The following SPEG variants were observed in gnomAD, a reference collection of about 807,000 sequenced individuals.
SPEG encodes striated muscle enriched protein kinase.
SPEG carries 114 observed loss-of-function variants against 300.4 expected under a neutral mutation model. The ratio of observed to expected loss-of-function variants is 0.38; its 90% CI spans 0.33 to 0.44. SPEG has a LOEUF of 0.44. Ranked by LOEUF, SPEG falls within the 20% of genes least tolerant of loss-of-function variation. The pLI is 1.00. For synonymous variants in SPEG, 1,964 were observed against 2,018.9 expected, an observed-to-expected ratio of 0.97 and a Z score of 0.73; for missense variants, 4,201 against 4,586.2, an observed-to-expected ratio of 0.92 and a Z score of 2.43.
At position 219,489,538 on chromosome 2, in the gene SPEG, A is replaced by T; in HGVS notation, c.8520A>T (p.Pro2840=). 6.2e-7 allele frequency: 1 copy of T among 1,600,568 alleles called. No homozygotes were observed. Among genetic ancestry groups the T allele is most frequent in the Non-Finnish European group, 8.5e-7 (1 of 1,177,374 alleles). ...TGTCCTCGCTCAAGGCTGTGGGTCC[A>T]CCACCCCAAACCCCTCCACGAAGAC... The part of the protein sequence containing the change: ...QALSSLKAVG[P]PPQTPPRRHR... The change falls in exon 36 of 41, where the codon CCA becomes CCT. Residue 2840 remains proline, a synonymous_variant. Coordinates refer to ENST00000312358, the MANE Select transcript of SPEG (RefSeq NM_005876.5).
rs1394026422 is a variant in SPEG, at chr2:219,459,753, C to G, written c.2441-2129C>G. On this transcript the variant is annotated intron_variant, in intron 6 of 40. Coordinates refer to ENST00000312358, the MANE Select transcript of SPEG (RefSeq NM_005876.5). This position sits in a 1 kb window ranked among gnomAD's most constrained non-coding sequence, Gnocchi z 4.9. ...AGGACCGCCCACCTGCGGAGCCATG[C>G]CTGTGATCTCAGCATCAAATGCCTT... 6.6e-6 allele frequency among the ~76,000 whole-genome samples: 1 copy of G among 152,210 alleles called. No homozygotes were observed. Among genetic ancestry groups the G allele is most frequent in the African/African-American group, 2.4e-5 (1 of 41,458 alleles).
At chr2:219,447,897 C>A in intron 3 of SPEG, 77 bp from the exon 4 acceptor site, 1 of 1,389,924 alleles carries the variant, frequency 7.2e-7, no homozygotes. Flanking sequence ...GCCCACCACC[C>A]AATTCCTGTC....
At position 219,491,063 on chromosome 2, in the gene SPEG, A is replaced by G. The variant is rs947721551; in HGVS notation, c.9385+107A>G. On this transcript the variant is annotated intron_variant, in intron 38 of 40. Coordinates refer to ENST00000312358, the MANE Select transcript of SPEG (RefSeq NM_005876.5). ...CATATGTGCCACTTATTGAGTGATT[A>G]CTGTATTCAAGCAATGAACGAAGTA... 9 of 805,928 alleles carry G rather than the reference A, an allele frequency of 1.1e-5. No homozygotes were observed. The African/African-American group carries it at 1.6e-4, about 14-fold the overall frequency. 49.9% of individuals were successfully genotyped at this position (805,928 alleles called of 1,614,324 possible). A position where few individuals can be genotyped will look rare whatever the true frequency, so the allele number is the denominator to read the frequency against.
chr2:219,483,872 G>A lies in SPEG; in HGVS notation c.6409G>A (p.Glu2137Lys). The change falls in exon 30 of 41, where the codon GAG becomes AAG. Residue 2137 changes from glutamate (E) to lysine (K), a missense_variant. Around this residue, in one of 4 missense-constraint regions of SPEG, gnomAD observed 1,578 missense variants for 1,506.0 expected, o/e 1.05. Coordinates refer to ENST00000312358, the MANE Select transcript of SPEG (RefSeq NM_005876.5). ...CAGCAGCTTCTCCCAGGGTGAGGCG[G>A]AGCCCCGGGGCCGGCACCGCCGAGC... ...KSSSFSQGEA[E>K]PRGRHRRAGA... The A allele has an allele frequency of 6.3e-7, 1 of 1,596,256 alleles. No homozygotes were observed. The highest frequency in any genetic ancestry group is 8.5e-7 in the Non-Finnish European group (1 of 1,176,716).
In SPEG at chr2:219,473,846, T is replaced by C. The variant is rs1260114479; in HGVS notation, c.4390T>C (p.Cys1464Arg). 6.2e-7 allele frequency: 1 copy of C among 1,613,586 alleles called. No homozygotes were observed. Among genetic ancestry groups the C allele is most frequent in the Non-Finnish European group, 8.5e-7 (1 of 1,180,026 alleles). The change falls in exon 18 of 41, where the codon TGC becomes CGC. Residue 1464 changes from cysteine to arginine, a missense_variant. Around this residue, in one of 4 missense-constraint regions of SPEG, gnomAD observed 1,047 missense variants for 1,356.8 expected, o/e 0.77. Coordinates refer to ENST00000312358, the MANE Select transcript of SPEG (RefSeq NM_005876.5). This position sits in a 1 kb window ranked among gnomAD's most constrained non-coding sequence, Gnocchi z 4.6. ...VSRRDMGALT[C>R]TARNRHGTQT... ...CCGCCGGGACATGGGGGCCCTCACC[T>C]GCACCGCCCGAAACCGTCACGGCAC...
At chr2:219,441,279 A>G (rs1688900173) in intron 1 of SPEG, among the ~76,000 whole-genome samples, 1 of 152,008 alleles carries the variant, frequency 6.6e-6, no homozygotes, top group Non-Finnish European at 1.5e-5. Flanking sequence ...TAATGGGGGT[A>G]CCTCTGTGCA....
rs758806382 is a variant in SPEG at position 219,491,849 on chromosome 2, G to A, written c.9441G>A (p.Ala3147=). The A allele has an allele frequency of 3.3e-5, 53 of 1,611,192 alleles. No homozygotes were observed. The highest frequency in any genetic ancestry group is 7.7e-5 in the South Asian group (7 of 90,832). Residue 3147 remains alanine (A), a synonymous_variant, in exon 39 of 41, where the codon GCG becomes GCA. Coordinates refer to ENST00000312358, the MANE Select transcript of SPEG (RefSeq NM_005876.5). ...PIGSATDIWG[A]GVLTYIMLSG... is the part of the protein sequence containing the mutation. ...GCTCTGCCACGGACATCTGGGGAGC[G>A]GGTGTGCTCACTTACATTATGTGAG...
At chr2:219,490,011 A>G (rs2125594660) in intron 36 of SPEG, 72 bp downstream of exon 36, 1 of 1,497,130 alleles carries the variant, frequency 6.7e-7, no homozygotes, top group South Asian at 1.4e-5. Flanking sequence ...GGCTTCGGAG[A>G]GAAGACCAGA....
chr2:219,486,319 G>A lies in SPEG; in HGVS notation c.7741+842G>A, dbSNP rs115925420. Reference sequence around the variant, plus strand: ...CCAGGCCAGCATGCAGGAAGGGAGCGAGTCCATGAAGCCAGGCTGTGTGCA... The same window carrying A: ...CCAGGCCAGCATGCAGGAAGGGAGCAAGTCCATGAAGCCAGGCTGTGTGCA... On this transcript the variant is annotated intron_variant, in intron 31 of 40. Coordinates refer to ENST00000312358, the MANE Select transcript of SPEG (RefSeq NM_005876.5). Among the ~76,000 whole-genome samples, 297 of 152,362 alleles carry A rather than the reference G, an allele frequency of 1.9e-3. 1 individual carries two copies. Among genetic ancestry groups the A allele is most frequent in the Non-Finnish European group, 3.8e-3 (256 of 68,044 alleles).
Position 219,493,016 on chromosome 2 carries a change from C to G in SPEG, c.*230C>G. The G allele has an allele frequency of 1.4e-6, 1 of 700,598 alleles. No individual in the cohort carries two copies. Among genetic ancestry groups the G allele is most frequent in the Non-Finnish European group, 2.6e-6 (1 of 384,650 alleles). 43.4% of individuals were successfully genotyped at this position (700,598 alleles called of 1,614,324 possible). A position where few individuals can be genotyped will look rare whatever the true frequency, so the allele number is the denominator to read the frequency against. ...TGGGAGACCCATTGGTCAGGCTCAG[C>G]AGGGTGGGAACAGGCAGAGGGACAA... On this transcript the variant is annotated 3_prime_UTR_variant, in exon 41 of 41. Transcript: ENST00000312358.
At position 219,477,167 on chromosome 2, in the gene SPEG, T is replaced by G; in HGVS notation, c.4561-110T>G. 1 of 1,108,792 alleles carries G rather than the reference T, an allele frequency of 9.0e-7. No individual in the cohort carries two copies. Among genetic ancestry groups the G allele is most frequent in the Non-Finnish European group, 1.3e-6 (1 of 786,046 alleles). 68.7% of individuals were successfully genotyped at this position (1,108,792 alleles called of 1,614,324 possible). ...TTTCTGTGGGAGATAAGGGAGGAGC[T>G]GACTCTGGGTCCTGGTGAGAGATGC... On this transcript the variant is annotated intron_variant, in intron 19 of 40. Coordinates refer to ENST00000312358, the MANE Select transcript of SPEG (RefSeq NM_005876.5). This position sits in a 1 kb window ranked among gnomAD's most constrained non-coding sequence, Gnocchi z 6.4.
Position 219,484,852 on chromosome 2 carries a change from G to A in SPEG, c.7389G>A (p.Arg2463=). ...MRRRLSFTLE[R]LSSRLQRSGS... ...GGCGGCTGAGCTTCACCCTGGAGCG[G>A]CTGTCCAGCCGATTGCAGCGCAGTG... Residue 2463 remains arginine, a synonymous_variant, in exon 30 of 41, where the codon CGG becomes CGA. Transcript: ENST00000312358. The A allele has an allele frequency of 6.6e-7, 1 of 1,520,192 alleles. No homozygotes were observed. Among genetic ancestry groups the A allele is most frequent in the Non-Finnish European group, 8.8e-7 (1 of 1,141,738 alleles). 94.2% of individuals were successfully genotyped at this position (1,520,192 alleles called of 1,614,324 possible). A position where few individuals can be genotyped will look rare whatever the true frequency, so the allele number is the denominator to read the frequency against.
intron 34 of SPEG, 34 bp downstream of exon 34, chr2:219,488,934 G>A (rs767857405): frequency 9.7e-5 from 153 of 1,583,672 alleles, no homozygotes; most frequent in Non-Finnish European, 1.3e-4. Flanking sequence ...TTGGGGGAGC[G>A]GCAGGGGGAG....
chr2:219,468,964 T>A lies in SPEG; in HGVS notation c.3407T>A (p.Val1136Asp). Residue 1136 changes from valine (V) to aspartate (D), a missense_variant, in exon 12 of 41, where the codon GTC (valine) becomes GAC (aspartate). By Grantham distance (152) the Val-to-Asp change is radical. Transcript: ENST00000312358. ...VGSEDEGLYA[V>D]SAVNTHGQAH... ...AGCGAGGACGAGGGGCTCTATGCGG[T>A]CAGTGCTGTTAACACCCATGGCCAG... The A allele has an allele frequency of 6.2e-7, 1 of 1,613,916 alleles. No homozygotes were observed. The highest frequency in any genetic ancestry group is 8.5e-7 in the Non-Finnish European group (1 of 1,179,992).
In SPEG at chr2:219,477,133, G is replaced by A; in HGVS notation, c.4561-144G>A. On this transcript the variant is annotated intron_variant, in intron 19 of 40. Coordinates refer to ENST00000312358, the MANE Select transcript of SPEG (RefSeq NM_005876.5). This position sits in a 1 kb window ranked among gnomAD's most constrained non-coding sequence, Gnocchi z 6.4. ...CTGCAGAGGACTGACTAGCTGAGGG[G>A]TGCAGGGCTTTCTGTGGGAGATAAG... 6.1e-6 allele frequency: 6 copies of A among 983,888 alleles called. No homozygotes were observed. Among genetic ancestry groups the A allele is most frequent in the Non-Finnish European group, 7.4e-6 (5 of 675,310 alleles). 60.9% of individuals were successfully genotyped at this position (983,888 alleles called of 1,614,324 possible).
chr2:219,485,016 C>T lies in SPEG; in HGVS notation c.7553C>T (p.Thr2518Ile). Residue 2518 changes from threonine (T) to isoleucine (I), a missense_variant, in exon 30 of 41, where the codon ACC (threonine) becomes ATC (isoleucine). Transcript: ENST00000312358. ...HNQLAAQAGA[T>I]TPSAESLGSE... is the part of the protein sequence containing the mutation. The stretch of plus-strand genomic sequence containing the variant: ...CAGTTGGCCGCCCAGGCCGGCGCCA[C>T]CACGCCTTCCGCCGAGTCCCTGGGC... The T allele has an allele frequency of 1.3e-6, 2 of 1,531,934 alleles. No individual in the cohort carries two copies. Among genetic ancestry groups the T allele is most frequent in the Non-Finnish European group, 1.7e-6 (2 of 1,145,666 alleles). The allele number at this position is 1,531,934 out of a possible 1,614,324, so 94.9% of individuals were successfully genotyped here.
chr2:219,473,251 C>T lies in SPEG; in HGVS notation c.4147+155C>T. 1 of 810,354 alleles carries T rather than the reference C, an allele frequency of 1.2e-6. No homozygotes were observed. The highest frequency in any genetic ancestry group is 1.9e-6 in the Non-Finnish European group (1 of 521,428). 50.2% of individuals were successfully genotyped at this position (810,354 alleles called of 1,614,324 possible). A position where few individuals can be genotyped will look rare whatever the true frequency, so the allele number is the denominator to read the frequency against. ...TGGCCCATCTGTACACTTCCTTCTC[C>T]CTCCTGAAAGCAGCAGGGCACGGTG... On this transcript the variant is annotated intron_variant, in intron 16 of 40. Transcript: ENST00000312358. The surrounding 1 kb of genome is among the most constrained non-coding windows in gnomAD (Gnocchi z 4.6).
At position 219,445,217 on chromosome 2, in the gene SPEG, G is replaced by A. The variant is rs188438264; in HGVS notation, c.815+56G>A. 1.6e-5 allele frequency: 23 copies of A among 1,478,474 alleles called. No individual in the cohort carries two copies. The highest frequency in any genetic ancestry group is 8.5e-5 in the South Asian group (7 of 82,590). The allele number at this position is 1,478,474 out of a possible 1,614,324, so 91.6% of individuals were successfully genotyped here. On this transcript the variant is annotated intron_variant, in intron 3 of 40. Coordinates refer to ENST00000312358, the MANE Select transcript of SPEG (RefSeq NM_005876.5). The surrounding 1 kb of genome is among the most constrained non-coding windows in gnomAD (Gnocchi z 6.1). ...GCCCCATCTCACCACGCTGTCCTGC[G>A]CTGCCCTCACTGCTCAGTCAGCCTC...
At position 219,449,359 on chromosome 2, in the gene SPEG, G is replaced by C. The variant is rs184230888; in HGVS notation, c.2113+88G>C. On this transcript the variant is annotated intron_variant, in intron 4 of 40. Coordinates refer to ENST00000312358, the MANE Select transcript of SPEG (RefSeq NM_005876.5). Reference sequence around the variant, plus strand: ...CAAGACTGCTCAGCAGGAGCCGGGGGGTCGGGGGTTTCGCCTGGGGCTGCT... The same window carrying C: ...CAAGACTGCTCAGCAGGAGCCGGGGCGTCGGGGGTTTCGCCTGGGGCTGCT... 76 of 1,134,816 alleles carry C rather than the reference G, an allele frequency of 6.7e-5. No individual in the cohort carries two copies. The South Asian group carries it at 7.4e-4, about 11-fold the overall frequency. The allele number at this position is 1,134,816 out of a possible 1,614,324, so 70.3% of individuals were successfully genotyped here. A position where few individuals can be genotyped will look rare whatever the true frequency, so the allele number is the denominator to read the frequency against.
Sources: gnomAD v4.1 joint callset for allele counts (sites outside exome capture counted in the v4.1 genomes callset) on GRCh38, gnomAD v4.1.1 for gene constraint, gnomAD v4.1.1 regional missense constraint, Gnocchi (gnomAD v3.1) non-coding constraint, MANE v1.5 for transcripts, NCBI Gene and HGNC (gene_info 2026-07-23, HGNC 2026-07-21) for gene names.